The following KCNH8 variants were observed in gnomAD, a reference collection of about 807,000 sequenced individuals.
KCNH8 encodes voltage-gated delayed rectifier potassium channel KCNH8.
In KCNH8, 70 loss-of-function variants were observed where a neutral mutation model predicts 103.6. The ratio of observed to expected loss-of-function variants is 0.68; its 90% CI spans 0.56 to 0.82. The LOEUF is 0.82. Among genes scored for constraint, KCNH8 ranks in the 40% least tolerant of loss-of-function variants. KCNH8 has a pLI of 0.00. For synonymous variants in KCNH8, 498 were observed against 489.4 expected (o/e 1.02, Z -0.23); for missense variants, 1,217 against 1,329.9 (o/e 0.92, Z 1.32).
intron 11 of KCNH8, among the ~76,000 whole-genome samples, chr3:19,503,616 A>C (rs1188426207): frequency 6.6e-6 from 1 of 152,174 alleles, no homozygotes; most frequent in Non-Finnish European, 1.5e-5. Flanking sequence ...TGATGAGTTC[A>C]CGTCCTTTGT....
intron 1 of KCNH8, among the ~76,000 whole-genome samples, chr3:19,150,810 C>T (rs1231891420): frequency 2.0e-5 from 3 of 152,110 alleles, no homozygotes; most frequent in Non-Finnish European, 4.4e-5. Context: ...CATGCTTGGT[C>T]TGTGCTCCAC....
chr3:19,328,387 C>T (rs374524329), intron 3 of KCNH8, among the ~76,000 whole-genome samples: 10 of 152,152 alleles, frequency 6.6e-5, no homozygotes, highest in African/African-American at 2.2e-4. Context: ...GTTTCCAAAC[C>T]GTTTCCATCA....
intron 8 of KCNH8, among the ~76,000 whole-genome samples, chr3:19,447,850 C>T (rs895284209): frequency 2.0e-5 from 3 of 151,878 alleles, no homozygotes; most frequent in South Asian, 2.1e-4. Flanking sequence ...ATATATTTTT[C>T]GTGGAATATT....
Position 19,518,027 on chromosome 3 carries a change from A to T in KCNH8, c.2572A>T (p.Ile858Phe), listed in dbSNP as rs1428244621. Residue 858 changes from isoleucine to phenylalanine, a missense_variant, in exon 15 of 16, where the codon ATC (isoleucine) becomes TTC (phenylalanine). By Grantham distance (21) the Ile-to-Phe change is conservative. Around this residue, in one of 3 missense-constraint regions of KCNH8, gnomAD observed 558 missense variants for 495.8 expected, o/e 1.13. Coordinates refer to ENST00000328405, the MANE Select transcript of KCNH8 (RefSeq NM_144633.3). ...DPEIGAAVLF[I>F]KAEETKQQIN... ...AGAGATTGGAGCTGCTGTTCTCTTC[A>T]TCAAAGCAGAGGAGACCAAGCAGCA... 3.7e-6 allele frequency: 6 copies of T among 1,612,362 alleles called. No individual in the cohort carries two copies. The highest frequency in any genetic ancestry group is 3.4e-6 in the Non-Finnish European group (4 of 1,178,882).
rs1388559776 is a variant in KCNH8, at chr3:19,515,338, G to A, written c.2452G>A (p.Glu818Lys). ...DLSPRIVDGIEDGNSSEESQT... is the reference protein window; with the variant it reads ...DLSPRIVDGIKDGNSSEESQT... ...TTTAAGTAGGATTGTTGATGGAATT[G>A]AAGATGGAAACAGCAGTGAAGAAAG... is the stretch of plus-strand genomic sequence containing the variant. Residue 818 changes from glutamate to lysine, a missense_variant, in exon 14 of 16, where the codon GAA (glutamate) becomes AAA (lysine). Glu to Lys is a moderately conservative substitution (Grantham distance 56). Transcript: ENST00000328405. 3 of 1,592,594 alleles carry A rather than the reference G, an allele frequency of 1.9e-6. No homozygotes were observed. The highest frequency in any genetic ancestry group is 4.5e-5 in the East Asian group (2 of 44,176).
chr3:19,153,591 ATTTTTC>A (rs1218079171), intron 1 of KCNH8, among the ~76,000 whole-genome samples: 4 of 135,820 alleles, frequency 2.9e-5, no homozygotes, highest in African/African-American at 1.1e-4. Flanking sequence ...TCACTCAATC[ATTTTTC>A]TTTTTCTTTT....
chr3:19,164,686 T>A (rs1483897219), intron 1 of KCNH8, among the ~76,000 whole-genome samples: 1 of 152,156 alleles, frequency 6.6e-6, no homozygotes, highest in Non-Finnish European at 1.5e-5. Context: ...TGTGAGATAC[T>A]TACAAGCTAT....
chr3:19,337,263 A>G (rs925737736), intron 3 of KCNH8, among the ~76,000 whole-genome samples: 2 of 152,074 alleles, frequency 1.3e-5, no homozygotes, highest in African/African-American at 4.8e-5. Flanking sequence ...AATGCCTAAC[A>G]AAGTGAGTAT....
At chr3:19,495,990 G>C (rs1276234021) in intron 11 of KCNH8, among the ~76,000 whole-genome samples, 1 of 150,948 alleles carries the variant, frequency 6.6e-6, no homozygotes, top group African/African-American at 2.4e-5. Flanking sequence ...TCTTGATTTG[G>C]CTCTTAGATT....
intron 11 of KCNH8, among the ~76,000 whole-genome samples, chr3:19,474,681 C>G (rs1310341809): frequency 6.6e-6 from 1 of 152,104 alleles, no homozygotes; most frequent in Admixed American, 6.6e-5. Flanking sequence ...TGAATGTATA[C>G]AACATACTAA....
intron 11 of KCNH8, among the ~76,000 whole-genome samples, chr3:19,485,932 T>A (rs997828968): frequency 6.6e-6 from 1 of 152,184 alleles, no homozygotes; most frequent in Non-Finnish European, 1.5e-5. Context: ...TCCATGCACT[T>A]GAGAATTAGA....
intron 1 of KCNH8, among the ~76,000 whole-genome samples, chr3:19,164,689 C>T (rs1258279715): frequency 6.6e-6 from 1 of 152,124 alleles, no homozygotes; most frequent in South Asian, 2.1e-4. Context: ...GAGATACTTA[C>T]AAGCTATTTT....
chr3:19,204,688 A>AGT (rs1575434855), intron 1 of KCNH8, among the ~76,000 whole-genome samples: 2 of 152,114 alleles, frequency 1.3e-5, no homozygotes, highest in East Asian at 3.9e-4. Flanking sequence ...TTTAGCCTGA[A>AGT]GTATTTTTAT....
chr3:19,333,042 T>C (rs970059618), intron 3 of KCNH8, among the ~76,000 whole-genome samples: 7 of 152,196 alleles, frequency 4.6e-5, no homozygotes, highest in Non-Finnish European at 1.0e-4. Flanking sequence ...TTAGCTGTTG[T>C]GTATTGATAT....
chr3:19,231,049 A>G (rs1437065126), intron 1 of KCNH8, among the ~76,000 whole-genome samples: 1 of 152,206 alleles, frequency 6.6e-6, no homozygotes, highest in Non-Finnish European at 1.5e-5. Flanking sequence ...ATGTTACTAT[A>G]GTATAGTAAC....
chr3:19,299,501 G>A (rs1350549022), intron 3 of KCNH8, among the ~76,000 whole-genome samples: 9 of 152,002 alleles, frequency 5.9e-5, no homozygotes, highest in Non-Finnish European at 8.8e-5. Flanking sequence ...AAAGTGTCTC[G>A]TCTTGTTTTT....
intron 7 of KCNH8, among the ~76,000 whole-genome samples, chr3:19,402,655 C>G (rs937819668): frequency 1.3e-5 from 2 of 151,830 alleles, no homozygotes; most frequent in African/African-American, 4.8e-5. Context: ...GTGTTCTCCA[C>G]GATACTGATC....
At chr3:19,498,022 G>A (rs1406023396) in intron 11 of KCNH8, among the ~76,000 whole-genome samples, 1 of 152,054 alleles carries the variant, frequency 6.6e-6, no homozygotes, top group East Asian at 1.9e-4. Context: ...GGTCTTTGTT[G>A]GTTTAAAGTC....
chr3:19,485,520 A>C (rs2068186482), intron 11 of KCNH8, among the ~76,000 whole-genome samples: 1 of 152,228 alleles, frequency 6.6e-6, no homozygotes, highest in Admixed American at 6.5e-5. Context: ...ACCTTAGATG[A>C]GTAGTTTTGT....
Sources: allele counts gnomAD v4.1 joint callset (sites outside exome capture counted in the v4.1 genomes callset), GRCh38; gene constraint gnomAD v4.1.1; regional missense constraint gnomAD v4.1.1; transcripts MANE v1.5; gene names NCBI Gene and HGNC (gene_info 2026-07-23, HGNC 2026-07-21).